The following TEX11 variants were observed in gnomAD, a reference collection of about 807,000 sequenced individuals.
TEX11 encodes the protein testis-expressed protein 11.
A neutral mutation model predicts 84.4 loss-of-function variants in TEX11; 7 were observed. The observed-to-expected ratio is 0.08, with a 90% CI of 0.05 to 0.16. The LOEUF (loss-of-function observed/expected upper bound fraction) is 0.16. Ranked by LOEUF, TEX11 falls within the 10% of genes least tolerant of loss-of-function variation. TEX11 has a pLI of 1.00. For synonymous variants in TEX11, 264 were observed against 222.8 expected (o/e 1.18, Z -1.64); for missense variants, 551 against 660.5 (o/e 0.83, Z 1.82).
At chrX:70,832,242 T>C (rs764931946) in intron 8 of TEX11, among the ~76,000 whole-genome samples, 9 of 111,778 alleles carry the variant, frequency 8.1e-5, no homozygotes, top group African/African-American at 1.3e-4. Flanking sequence ...TCTGTAATCT[T>C]CAAAACTGCC....
At chrX:70,798,209 T>C (rs1176297913) in intron 9 of TEX11, among the ~76,000 whole-genome samples, 2 of 110,432 alleles carry the variant, frequency 1.8e-5, no homozygotes, top group African/African-American at 6.6e-5. Context: ...CAATGAACTA[T>C]ACCCAAAAAT....
chrX:70,554,904 A>G, intron 25 of TEX11, 104 bp from the exon 26 acceptor site: 6 of 800,947 alleles, frequency 7.5e-6, no homozygotes, highest in Non-Finnish European at 1.0e-5. Context: ...AGAAATATTA[A>G]TTTTACTTAC....
chrX:70,735,489 T>C (rs1183345599), intron 11 of TEX11, among the ~76,000 whole-genome samples: 1 of 112,102 alleles, frequency 8.9e-6, no homozygotes, highest in Non-Finnish European at 1.9e-5. Context: ...ATACTAGCAA[T>C]GAACAATCCA....
At chrX:70,811,688 T>C (rs1034567257) in intron 8 of TEX11, among the ~76,000 whole-genome samples, 42 of 110,499 alleles carry the variant, frequency 3.8e-4, no homozygotes, top group Non-Finnish European at 6.4e-4. Context: ...CCAGCACCTG[T>C]TGTTTCCTGA....
chrX:70,776,948 G>A (rs952392439), intron 9 of TEX11, among the ~76,000 whole-genome samples: 3 of 110,970 alleles, frequency 2.7e-5, no homozygotes, highest in African/African-American at 6.5e-5. Flanking sequence ...CAAATACCCC[G>A]ACTTTATCAT....
At chrX:70,726,071 C>T (rs1397203445) in intron 11 of TEX11, among the ~76,000 whole-genome samples, 1 of 112,382 alleles carries the variant, frequency 8.9e-6, no homozygotes, top group Non-Finnish European at 1.9e-5. Context: ...ATAGATGACA[C>T]TAGTACAAAG....
chrX:70,769,955 T>C (rs954847370), intron 9 of TEX11, among the ~76,000 whole-genome samples: 3 of 111,944 alleles, frequency 2.7e-5, no homozygotes, highest in Non-Finnish European at 5.6e-5. Flanking sequence ...ACTACTATAT[T>C]TCTTCTGTTA....
chrX:70,623,835 A>G (rs1332746587), intron 20 of TEX11, 115 bp downstream of exon 20: 1 of 595,902 alleles, frequency 1.7e-6, no homozygotes, highest in Non-Finnish European at 2.5e-6. Context: ...GACTGGCCCC[A>G]AAACCTGTAT....
intron 9 of TEX11, among the ~76,000 whole-genome samples, chrX:70,780,580 T>G (rs2091032462): frequency 8.9e-6 from 1 of 112,305 alleles, no homozygotes; most frequent in Non-Finnish European, 1.9e-5. Flanking sequence ...AGTCTGTACC[T>G]GGAGGAACAG....
At chrX:70,803,887 G>T (rs1286872944) in intron 9 of TEX11, among the ~76,000 whole-genome samples, 1 of 112,053 alleles carries the variant, frequency 8.9e-6, no homozygotes, top group Non-Finnish European at 1.9e-5. Flanking sequence ...GCTCACACCT[G>T]TAATTCCAGC....
At chrX:70,644,422 G>T (rs1164261801) in intron 17 of TEX11, among the ~76,000 whole-genome samples, 3 of 104,498 alleles carry the variant, frequency 2.9e-5, no homozygotes, top group Non-Finnish European at 3.9e-5. Context: ...CCATTACTGG[G>T]TATATACCCA....
At chrX:70,754,430 AAT>A (rs1207800111) in intron 9 of TEX11, among the ~76,000 whole-genome samples, 1 of 111,342 alleles carries the variant, frequency 9.0e-6, no homozygotes, top group Non-Finnish European at 1.9e-5. Flanking sequence ...GTCACAGTAA[AAT>A]ATAATAGAGC....
At chrX:70,845,915 T>A (rs1189054436) in intron 7 of TEX11, among the ~76,000 whole-genome samples, 2 of 111,673 alleles carry the variant, frequency 1.8e-5, no homozygotes, top group Non-Finnish European at 3.8e-5. Flanking sequence ...CACTTCGATA[T>A]GCAACAAAAG....
intron 9 of TEX11, among the ~76,000 whole-genome samples, chrX:70,782,415 G>A (rs944335529): frequency 1.0e-4 from 11 of 110,035 alleles, no homozygotes; most frequent in East Asian, 2.9e-4. Context: ...ATCAATTAAC[G>A]GGCAAACTAA....
At chrX:70,752,010 A>G (rs944051664) in intron 9 of TEX11, among the ~76,000 whole-genome samples, 8 of 112,540 alleles carry the variant, frequency 7.1e-5, no homozygotes, top group African/African-American at 2.3e-4. Flanking sequence ...GATTAACACA[A>G]AAGAGCAGAT....
chrX:70,821,330 T>A, intron 8 of TEX11, among the ~76,000 whole-genome samples: 1 of 111,790 alleles, frequency 8.9e-6, no homozygotes, highest in Non-Finnish European at 1.9e-5. Context: ...CCCACCCAAA[T>A]CTCTTGTTGA....
intron 2 of TEX11, among the ~76,000 whole-genome samples, chrX:70,893,848 AAG>A (rs2091752517): frequency 9.0e-6 from 1 of 111,643 alleles, no homozygotes; most frequent in African/African-American, 3.3e-5. Context: ...TAAAGAAGAA[AAG>A]AGAGAAGAAT....
intron 17 of TEX11, among the ~76,000 whole-genome samples, chrX:70,647,392 G>A (rs1314388876): frequency 1.8e-5 from 2 of 111,144 alleles, no homozygotes; most frequent in Non-Finnish European, 3.8e-5. Flanking sequence ...GAGTTTAAGT[G>A]TTCTCACCAC....
chrX:70,847,262 C>A (rs2091484736), intron 7 of TEX11, among the ~76,000 whole-genome samples: 1 of 111,570 alleles, frequency 9.0e-6, no homozygotes, highest in African/African-American at 3.3e-5. Flanking sequence ...AAGAATAAAT[C>A]TTTTCTTTAT....
Sources: allele counts gnomAD v4.1 joint callset (sites outside exome capture counted in the v4.1 genomes callset), GRCh38; gene constraint gnomAD v4.1.1; transcripts MANE v1.5; gene names NCBI Gene and HGNC (gene_info 2026-07-23, HGNC 2026-07-21).